P2RX1: variants seen among roughly 807,000 people sequenced by gnomAD.
P2RX1 encodes purinergic receptor P2X 1, also known as P2X purinoceptor 1.
A neutral mutation model predicts 50.3 loss-of-function variants in P2RX1; 42 were observed. The ratio of observed to expected loss-of-function variants is 0.83; its 90% CI spans 0.65 to 1.08. The LOEUF (loss-of-function observed/expected upper bound fraction) is 1.08, where lower values mean the gene tolerates loss of function less well. Ranked by LOEUF, P2RX1 falls within the 50% of genes least tolerant of loss-of-function variation. The probability of loss-of-function intolerance (pLI) is 0.00; values close to 1 mark genes in which losing one functional copy is unlikely to be tolerated. For missense variants in P2RX1, 449 were observed against 529.0 expected (o/e 0.85, Z 1.48); for synonymous variants, 199 against 202.6 (o/e 0.98, Z 0.15).
rs767016837 is a variant in P2RX1, at chr17:3,905,254, A to G, written c.251T>C (p.Val84Ala). The G allele has an allele frequency of 6.2e-7, 1 of 1,613,720 alleles. No homozygotes were observed. The highest frequency in any genetic ancestry group is 1.1e-5 in the South Asian group (1 of 91,088). ...GAAGACGTAGTCAGCCACATCCCAGACCTGGGGGCCGAGGCCAGGGAGCTG... is the reference window on the plus strand; with the variant it reads ...GAAGACGTAGTCAGCCACATCCCAGGCCTGGGGGCCGAGGCCAGGGAGCTG... The part of the protein sequence containing the change: ...VTQLPGLGPQ[V>A]WDVADYVFPA... The change falls in exon 2 of 12, where the codon GTC becomes GCC. Residue 84 changes from valine (V) to alanine (A), a missense_variant. By Grantham distance (64) the Val-to-Ala change is moderately conservative. Transcript: ENST00000225538.
chr17:3,898,587 G>A (rs778330197), intron 9 of P2RX1, 38 bp from the exon 10 acceptor site: 35 of 1,532,738 alleles, frequency 2.3e-5, no homozygotes, highest in East Asian at 4.5e-5. Flanking sequence ...GCTAACCGTC[G>A]GAAGGGGCCC....
At chr17:3,915,440 G>A (rs762018948) in intron 1 of P2RX1, 1 of 456,486 alleles carries the variant, frequency 2.2e-6, no homozygotes, top group East Asian at 6.9e-5. Flanking sequence ...CCATACTGCA[G>A]GAGCGTCCCA....
Position 3,898,071 on chromosome 17 carries a change from GC to G in P2RX1, c.1071del (p.Pro358LeufsTer39). On this transcript the variant is annotated frameshift_variant, in exon 11 of 12. Transcript: ENST00000225538. LOFTEE classifies it high-confidence loss of function. ...VLCDLLLLHI[L>X]PKRHYYKQKK... is the part of the protein sequence containing the mutation. ...TTCTGCTTGTAGTAGTGCCTCTTAG[GC>G]AGGATGTGAAGCAGCAGCAGGTCAC... is the stretch of plus-strand genomic sequence containing the variant. 1 of 1,613,518 alleles carries G rather than the reference GC, an allele frequency of 6.2e-7. No homozygotes were observed. The highest frequency in any genetic ancestry group is 8.5e-7 in the Non-Finnish European group (1 of 1,179,942).
intron 1 of P2RX1, chr17:3,915,804 A>C (rs1348991324): frequency 1.8e-6 from 1 of 566,906 alleles, no homozygotes; most frequent in South Asian, 1.5e-5. Flanking sequence ...CCTGAACACC[A>C]CTAACCACTC....
Position 3,903,718 on chromosome 17 carries a change from C to A in P2RX1, c.525-87G>T. The A allele has an allele frequency of 6.9e-7, 1 of 1,457,616 alleles. No homozygotes were observed. Among genetic ancestry groups the A allele is most frequent in the South Asian group, 1.1e-5 (1 of 87,630 alleles). The allele number at this position is 1,457,616 out of a possible 1,614,324, so 90.3% of individuals were successfully genotyped here. ...GAGCTTGGCACAGCAGGGGGTGGGC[C>A]GAGCCTCCGGGACCCGCCTGCAGCC... On this transcript the variant is annotated intron_variant, in intron 5 of 11. Coordinates refer to ENST00000225538, the MANE Select transcript of P2RX1 (RefSeq NM_002558.4). This position sits in a 1 kb window ranked among gnomAD's most constrained non-coding sequence, Gnocchi z 4.6.
In P2RX1 at chr17:3,916,171, G is replaced by T; in HGVS notation, c.55C>A (p.Pro19Thr). Reference sequence around the variant, plus strand: ...TTATTACGCACCAGCACCATGCGGGGGGTGTCATACTCGAAGAGGAAGGCG... The same window carrying T: ...TTATTACGCACCAGCACCATGCGGGTGGTGTCATACTCGAAGAGGAAGGCG... ...LAAFLFEYDT[P>T]RMVLVRNKKV... is the part of the protein sequence containing the mutation. Residue 19 changes from proline (P) to threonine (T), a missense_variant, in exon 1 of 12, where the codon CCC (proline) becomes ACC (threonine). Pro to Thr is a conservative substitution (Grantham distance 38). Transcript: ENST00000225538. 2 of 1,613,524 alleles carry T rather than the reference G, an allele frequency of 1.2e-6. No homozygotes were observed. Among genetic ancestry groups the T allele is most frequent in the African/African-American group, 1.3e-5 (1 of 75,074 alleles).
chr17:3,905,507 G>T, intron 1 of P2RX1, 140 bp from the exon 2 acceptor site: 1 of 844,580 alleles, frequency 1.2e-6, no homozygotes, highest in Non-Finnish European at 1.8e-6. Context: ...AGGCAGGACA[G>T]CCTCCCCTGC....
In P2RX1 at chr17:3,916,257, C is replaced by T; in HGVS notation, c.-32G>A. 1 of 1,608,210 alleles carries T rather than the reference C, an allele frequency of 6.2e-7. No individual in the cohort carries two copies. Among genetic ancestry groups the T allele is most frequent in the Non-Finnish European group, 8.5e-7 (1 of 1,177,184 alleles). ...CCGGCTGGGGCTCAGAACTGAGCCC[C>T]CTGCACGGCCTCTGCTCTCAGGGTG... is the stretch of plus-strand genomic sequence containing the variant. On this transcript the variant is annotated 5_prime_UTR_variant, in exon 1 of 12. Transcript: ENST00000225538.
rs2056207156 is a variant in P2RX1 at position 3,903,989 on chromosome 17, T to G, written c.463A>C (p.Thr155Pro). The change falls in exon 5 of 12, where the codon ACT becomes CCT. Residue 155 changes from threonine to proline, a missense_variant. Coordinates refer to ENST00000225538, the MANE Select transcript of P2RX1 (RefSeq NM_002558.4). The surrounding 1 kb of genome is among the most constrained non-coding windows in gnomAD (Gnocchi z 4.6). ...RTGKCVAFND[T>P]VKTCEIFGWC... ...CCAAAGATCTCACACGTCTTCACAG[T>G]GTCGTTGAAGGCCACACACTTGCCC... 6.2e-7 allele frequency: 1 copy of G among 1,613,892 alleles called. No individual in the cohort carries two copies. Among genetic ancestry groups the G allele is most frequent in the Non-Finnish European group, 8.5e-7 (1 of 1,179,978 alleles).
chr17:3,904,774 C>T (rs1196929393), intron 3 of P2RX1, 84 bp downstream of exon 3: 2 of 1,069,124 alleles, frequency 1.9e-6, no homozygotes, highest in African/African-American at 3.1e-5. Context: ...CTCTGGCTTC[C>T]CCTCCAGTGC....
intron 2 of P2RX1, 116 bp downstream of exon 2, chr17:3,905,104 A>C: frequency 7.0e-7 from 1 of 1,420,608 alleles, no homozygotes; most frequent in Non-Finnish European, 9.7e-7. Flanking sequence ...CCCGGCATTC[A>C]CAGAGGTCCA....
chr17:3,905,803 C>T (rs1251274884), intron 1 of P2RX1, among the ~76,000 whole-genome samples: 3 of 146,650 alleles, frequency 2.0e-5, no homozygotes, highest in African/African-American at 5.1e-5. Context: ...GCCGAGATCG[C>T]GCTATTGCAC....
chr17:3,916,062 C>A (rs1472411883), intron 1 of P2RX1, 27 bp downstream of exon 1: 1 of 1,612,666 alleles, frequency 6.2e-7, no homozygotes, highest in Non-Finnish European at 8.5e-7. Flanking sequence ...GGGGCTGGTG[C>A]AGGCAGCGGG....
Position 3,903,695 on chromosome 17 carries a change from G to A in P2RX1, c.525-64C>T. 1.3e-6 allele frequency: 2 copies of A among 1,544,610 alleles called. No homozygotes were observed. The highest frequency in any genetic ancestry group is 1.7e-5 in the Admixed American group (1 of 59,806). On this transcript the variant is annotated intron_variant, in intron 5 of 11. Coordinates refer to ENST00000225538, the MANE Select transcript of P2RX1 (RefSeq NM_002558.4). The surrounding 1 kb of genome is among the most constrained non-coding windows in gnomAD (Gnocchi z 4.6). ...AGGCCCCCTGTGTGTCCCACACAGA[G>A]CTTGGCACAGCAGGGGGTGGGCCGA...
In P2RX1 at chr17:3,897,318, CT is replaced by C. The variant is rs1315083307; in HGVS notation, c.*495del. The C allele has an allele frequency of 1.3e-4, 25 of 187,370 alleles. No individual in the cohort carries two copies. Among genetic ancestry groups the C allele is most frequent in the African/African-American group, 5.4e-4 (23 of 42,790 alleles). 11.6% of individuals were successfully genotyped at this position (187,370 alleles called of 1,614,324 possible). A position where few individuals can be genotyped will look rare whatever the true frequency, so the allele number is the denominator to read the frequency against. On this transcript the variant is annotated 3_prime_UTR_variant, in exon 12 of 12. Transcript: ENST00000225538. ...TCTTTGACAGTGAAAATGCCCCGAG[CT>C]GTCCAGTATGGCAGCCACTAACCAC...
Position 3,897,751 on chromosome 17 carries a change from G to A in P2RX1, c.*63C>T. ...GGGGAGGCCCCTCTGCCCTGGCTGG[G>A]ACCCACCAGGGCTCCAGGCTGAAGC... On this transcript the variant is annotated 3_prime_UTR_variant, in exon 12 of 12. Coordinates refer to ENST00000225538, the MANE Select transcript of P2RX1 (RefSeq NM_002558.4). 1 of 1,501,818 alleles carries A rather than the reference G, an allele frequency of 6.7e-7. No individual in the cohort carries two copies. Among genetic ancestry groups the A allele is most frequent in the South Asian group, 1.1e-5 (1 of 87,400 alleles). 93.0% of individuals were successfully genotyped at this position (1,501,818 alleles called of 1,614,324 possible).
rs148166043 is a variant in P2RX1 at position 3,913,107 on chromosome 17, C to T, written c.137+2982G>A. Among the ~76,000 whole-genome samples, 450 of 150,200 alleles carry T rather than the reference C, an allele frequency of 3.0e-3. 5 individuals are homozygous for T. The highest frequency in any genetic ancestry group is 0.025 in the South Asian group (118 of 4,706). On this transcript the variant is annotated intron_variant, in intron 1 of 11. Transcript: ENST00000225538. ...AGGGACAGAGAGCTCATCAGCTCTT[C>T]GGGGAGAGCTCTAACTGAGACCATC...
Position 3,905,087 on chromosome 17 carries a change from G to C in P2RX1, c.285+133C>G. 9 of 1,302,970 alleles carry C rather than the reference G, an allele frequency of 6.9e-6. 1 individual carries two copies. The highest frequency in any genetic ancestry group is 2.6e-4 in the Middle Eastern group (1 of 3,872). 80.7% of individuals were successfully genotyped at this position (1,302,970 alleles called of 1,614,324 possible). On this transcript the variant is annotated intron_variant, in intron 2 of 11. Coordinates refer to ENST00000225538, the MANE Select transcript of P2RX1 (RefSeq NM_002558.4). The stretch of plus-strand genomic sequence containing the variant: ...CAACATGGGGTGATATCACCAGGCT[G>C]CTTCTGCCCGGCATTCACAGAGGTC...
In P2RX1 at chr17:3,897,890, G is replaced by A. The variant is rs758791438; in HGVS notation, c.1135-11C>T. On this transcript the variant is annotated splice_polypyrimidine_tract_variant and intron_variant, in intron 11 of 11. Coordinates refer to ENST00000225538, the MANE Select transcript of P2RX1 (RefSeq NM_002558.4). ...GAGGTCACGCTCAGCCTGTGTACGT[G>A]GTGCAAGGGTTGGGGGATACAAGTC... 4 of 1,613,804 alleles carry A rather than the reference G, an allele frequency of 2.5e-6. No individual in the cohort carries two copies. The highest frequency in any genetic ancestry group is 3.4e-6 in the Non-Finnish European group (4 of 1,179,958).
Sources: allele counts gnomAD v4.1 joint callset (sites outside exome capture counted in the v4.1 genomes callset), GRCh38; gene constraint gnomAD v4.1.1; non-coding constraint Gnocchi (gnomAD v3.1); transcripts MANE v1.5; gene names NCBI Gene and HGNC (gene_info 2026-07-23, HGNC 2026-07-21).